AKAP11: variants seen among roughly 807,000 people sequenced by gnomAD.
The protein encoded by AKAP11 is A-kinase anchoring protein 11.
Under a neutral mutation model 146.1 loss-of-function variants are expected in AKAP11, and 36 were observed. The observed-to-expected ratio is 0.25, with a 90% confidence interval of 0.19 to 0.33. AKAP11 has a LOEUF of 0.33. Ranked by LOEUF, AKAP11 falls within the 10% of genes least tolerant of loss-of-function variation. The pLI is 1.00. For synonymous variants in AKAP11, 780 were observed against 786.5 expected, an observed-to-expected ratio of 0.99 and a Z score of 0.14; for missense variants, 2,201 against 2,197.0, an observed-to-expected ratio of 1.00 and a Z score of -0.04.
intron 1 of AKAP11, among the ~76,000 whole-genome samples, chr13:42,279,265 A>G (rs553899266): frequency 7.0e-6 from 1 of 143,258 alleles, no homozygotes; most frequent in Admixed American, 6.8e-5. Flanking sequence ...GTGCACACCC[A>G]CACACACACA....
chr13:42,307,757 A>C (rs1263169544), intron 8 of AKAP11, among the ~76,000 whole-genome samples: 4 of 152,122 alleles, frequency 2.6e-5, no homozygotes, highest in Non-Finnish European at 4.4e-5. Context: ...GTATGTTTTA[A>C]GGATTTGGGC....
intron 8 of AKAP11, among the ~76,000 whole-genome samples, chr13:42,307,951 G>C (rs1352195946): frequency 1.3e-5 from 2 of 152,164 alleles, no homozygotes; most frequent in African/African-American, 4.8e-5. Context: ...CTCTTATTGA[G>C]AAAAATGAAA....
Position 42,300,112 on chromosome 13 carries a change from A to G in AKAP11, c.1366A>G (p.Ser456Gly), listed in dbSNP as rs780634902. The G allele has an allele frequency of 2.5e-6, 4 of 1,613,858 alleles. No homozygotes were observed. In the Admixed American group the frequency reaches 6.7e-5, roughly 27 times the overall value. ...LFSPIRSSAF[S>G]PLGGCTPAEC... Reference sequence around the variant, plus strand: ...TAGTCCTATTCGATCCTCTGCTTTTAGTCCTCTTGGAGGCTGTACTCCAGC... The same window carrying G: ...TAGTCCTATTCGATCCTCTGCTTTTGGTCCTCTTGGAGGCTGTACTCCAGC... Residue 456 changes from serine (S) to glycine (G), a missense_variant, in exon 8 of 13, where the codon AGT (serine) becomes GGT (glycine). This residue lies in a region of AKAP11 where 1,867 missense variants were observed against 1,833.5 expected (regional missense o/e 1.02). Transcript: ENST00000025301.
intron 1 of AKAP11, among the ~76,000 whole-genome samples, chr13:42,277,559 C>T (rs1328906688): frequency 6.6e-6 from 1 of 152,152 alleles, no homozygotes; most frequent in Non-Finnish European, 1.5e-5. Context: ...TAATTTTTCT[C>T]TGTGACTGTT....
intron 3 of AKAP11, among the ~76,000 whole-genome samples, chr13:42,290,050 T>C (rs1182061191): frequency 6.6e-6 from 1 of 152,172 alleles, no homozygotes; most frequent in East Asian, 1.9e-4. Context: ...TCCCTGTGTC[T>C]CAAGTATCCT....
At chr13:42,286,273 TA>T in intron 2 of AKAP11, 26 bp from the exon 3 acceptor site, 1 of 922,644 alleles carries the variant, frequency 1.1e-6, no homozygotes, top group Non-Finnish European at 1.6e-6. Flanking sequence ...GATCAATAAA[TA>T]AGTTGTTTTA....
intron 11 of AKAP11, among the ~76,000 whole-genome samples, chr13:42,316,615 T>G (rs1425275821): frequency 6.6e-6 from 1 of 152,226 alleles, no homozygotes; most frequent in Admixed American, 6.5e-5. Flanking sequence ...CCCACTTTTG[T>G]CTGAAGAATG....
chr13:42,322,904 C>G lies in AKAP11; in HGVS notation c.*3676C>G, dbSNP rs1437727135. 1 of 152,578 alleles carries G rather than the reference C, an allele frequency of 6.6e-6. No homozygotes were observed. Among genetic ancestry groups the G allele is most frequent in the African/African-American group, 2.4e-5 (1 of 41,392 alleles). 9.5% of individuals were successfully genotyped at this position (152,578 alleles called of 1,614,324 possible). A position where few individuals can be genotyped will look rare whatever the true frequency, so the allele number is the denominator to read the frequency against. On this transcript the variant is annotated 3_prime_UTR_variant, in exon 13 of 13. Transcript: ENST00000025301. ...TCCGGTTTTAATATTGCTGGATTTG[C>G]TACCTTTGGTTACTTGTGCAGTGTT...
At position 42,299,870 on chromosome 13, in the gene AKAP11, A is replaced by C. The variant is rs1403221556; in HGVS notation, c.1124A>C (p.Asn375Thr). Residue 375 changes from asparagine to threonine, a missense_variant, in exon 8 of 13, where the codon AAC (asparagine) becomes ACC (threonine). Around this residue, in one of 3 missense-constraint regions of AKAP11, gnomAD observed 1,867 missense variants for 1,833.5 expected, o/e 1.02. Transcript: ENST00000025301. ...CAAACTTTAGAGACTTGCCTGTTTA[A>C]CAAAGATCCCGTCATAGGGAAGTCA... ...LEQTLETCLF[N>T]KDPVIGKSSQ... 1.2e-6 allele frequency: 2 copies of C among 1,613,904 alleles called. No individual in the cohort carries two copies. The highest frequency in any genetic ancestry group is 1.7e-6 in the Non-Finnish European group (2 of 1,179,876).
chr13:42,272,925 A>G (rs1475256220), intron 1 of AKAP11, among the ~76,000 whole-genome samples: 5 of 152,226 alleles, frequency 3.3e-5, no homozygotes, highest in Non-Finnish European at 5.9e-5. Context: ...AAAAGTGACA[A>G]TGACAGTAAA....
In AKAP11 at chr13:42,319,595, GATAGAGTT is replaced by G. The variant is rs1229898569; in HGVS notation, c.*371_*378del. 1 of 164,706 alleles carries G rather than the reference GATAGAGTT, an allele frequency of 6.1e-6. No homozygotes were observed. The highest frequency in any genetic ancestry group is 1.3e-5 in the Non-Finnish European group (1 of 76,432). 10.2% of individuals were successfully genotyped at this position (164,706 alleles called of 1,614,324 possible). A position where few individuals can be genotyped will look rare whatever the true frequency, so the allele number is the denominator to read the frequency against. ...GAAGTGGCTGAGGATAGGTTCCAGT[GATAGAGTT>G]ATAATTTTGCTCCTTTGCAAACAAA... is the stretch of plus-strand genomic sequence containing the variant. On this transcript the variant is annotated 3_prime_UTR_variant, in exon 13 of 13. Coordinates refer to ENST00000025301, the MANE Select transcript of AKAP11 (RefSeq NM_016248.4).
chr13:42,283,094 A>G (rs1362877008), intron 1 of AKAP11, among the ~76,000 whole-genome samples: 1 of 152,230 alleles, frequency 6.6e-6, no homozygotes, highest in Non-Finnish European at 1.5e-5. Context: ...TCTTTGCATC[A>G]TTTCCAAAGA....
chr13:42,307,005 A>G (rs753258300), intron 8 of AKAP11, among the ~76,000 whole-genome samples: 1 of 152,146 alleles, frequency 6.6e-6, no homozygotes, highest in Non-Finnish European at 1.5e-5. Context: ...TTTTTAGCCA[A>G]CAAAACGATT....
chr13:42,275,252 CT>C (rs1265643819), intron 1 of AKAP11, among the ~76,000 whole-genome samples: 1 of 152,224 alleles, frequency 6.6e-6, no homozygotes, highest in South Asian at 2.1e-4. Context: ...TTGGTTTCCA[CT>C]TCCCCAAAAC....
intron 1 of AKAP11, among the ~76,000 whole-genome samples, chr13:42,277,758 A>G (rs80253626): frequency 6.6e-6 from 1 of 152,158 alleles, no homozygotes; most frequent in Non-Finnish European, 1.5e-5. Context: ...GTTGCTTATT[A>G]TGAGTAAGGC....
Position 42,299,681 on chromosome 13 carries a change from C to A in AKAP11, c.935C>A (p.Ser312Ter). Residue 312 changes from serine to a stop codon, truncating the protein, a stop_gained, in exon 8 of 13, where the codon TCA (serine) becomes TAA (stop). Coordinates refer to ENST00000025301, the MANE Select transcript of AKAP11 (RefSeq NM_016248.4). LOFTEE classifies it high-confidence loss of function. ...GCCTACTCATCTGAATCAGAATGTTCAAGTCCAAGTCCTGTTATTTTCTTG... is the reference window on the plus strand; with the variant it reads ...GCCTACTCATCTGAATCAGAATGTTAAAGTCCAAGTCCTGTTATTTTCTTG... Reference protein sequence around the residue: ...SPAYSSESECSSPSPVIFLDE... With the variant: ...SPAYSSESEC 1.9e-6 allele frequency: 3 copies of A among 1,613,806 alleles called. No homozygotes were observed. The South Asian group carries it at 3.3e-5, about 18-fold the overall frequency.
Position 42,319,477 on chromosome 13 carries a change from T to C in AKAP11, c.*249T>C, listed in dbSNP as rs956831415. 20 of 382,584 alleles carry C rather than the reference T, an allele frequency of 5.2e-5. No homozygotes were observed. The highest frequency in any genetic ancestry group is 2.9e-4 in the African/African-American group (14 of 47,702). The allele number at this position is 382,584 out of a possible 1,614,324, so 23.7% of individuals were successfully genotyped here. A position where few individuals can be genotyped will look rare whatever the true frequency, so the allele number is the denominator to read the frequency against. On this transcript the variant is annotated 3_prime_UTR_variant, in exon 13 of 13. Transcript: ENST00000025301. ...GTAGTGTGTCAAGACCCTAAGAACA[T>C]GTATTTGAAGGAAGGTCTAACCAGG... is the stretch of plus-strand genomic sequence containing the variant.
At chr13:42,289,462 A>G (rs1959189445) in intron 3 of AKAP11, among the ~76,000 whole-genome samples, 2 of 152,226 alleles carry the variant, frequency 1.3e-5, no homozygotes, top group Non-Finnish European at 1.5e-5. Context: ...TTATTTCTTT[A>G]CAGTCATTAA....
At chr13:42,274,372 A>G (rs1388560891) in intron 1 of AKAP11, among the ~76,000 whole-genome samples, 2 of 152,176 alleles carry the variant, frequency 1.3e-5, no homozygotes, top group African/African-American at 2.4e-5. Context: ...TCATCCTTAC[A>G]TATAAAAGTT....
Sources: allele counts gnomAD v4.1 joint callset (sites outside exome capture counted in the v4.1 genomes callset), GRCh38; gene constraint gnomAD v4.1.1; regional missense constraint gnomAD v4.1.1; transcripts MANE v1.5; gene names NCBI Gene and HGNC (gene_info 2026-07-23, HGNC 2026-07-21).